ARHGEF10L: variants seen among roughly 807,000 people sequenced by gnomAD.
The protein encoded by ARHGEF10L is rho guanine nucleotide exchange factor 10-like protein.
ARHGEF10L carries 69 observed loss-of-function variants against 141.2 expected under a neutral mutation model. The observed-to-expected ratio is 0.49, with a 90% CI of 0.40 to 0.60. ARHGEF10L has a LOEUF of 0.60. Ranked by LOEUF, ARHGEF10L falls within the 20% of genes least tolerant of loss-of-function variation. ARHGEF10L has a pLI of 0.00. For synonymous variants in ARHGEF10L, 711 were observed against 718.5 expected, an observed-to-expected ratio of 0.99 and a Z score of 0.17; for missense variants, 1,482 against 1,734.3, an observed-to-expected ratio of 0.85 and a Z score of 2.58.
At chr1:17,689,133 G>C (rs1220897442) in intron 27 of ARHGEF10L, among the ~76,000 whole-genome samples, 1 of 152,078 alleles carries the variant, frequency 6.6e-6, no homozygotes, top group Non-Finnish European at 1.5e-5. Flanking sequence ...ACCAGAGGCA[G>C]GACCACAGTC....
At chr1:17,612,060 C>CCCTCCCTCCCTTTTACCCTTCACCCAT (rs2059578256) in intron 7 of ARHGEF10L, among the ~76,000 whole-genome samples, 1 of 151,780 alleles carries the variant, frequency 6.6e-6, no homozygotes, top group African/African-American at 2.4e-5. Context: ...TTGCCCATCC[C>CCCTCCCTCCCTTTTACCCTTCACCCAT]CCTCCCTCCC....
chr1:17,678,189 C>T (rs1383264857), intron 26 of ARHGEF10L, among the ~76,000 whole-genome samples: 1 of 152,160 alleles, frequency 6.6e-6, no homozygotes, highest in Non-Finnish European at 1.5e-5. Context: ...GGGTAAGACT[C>T]GCAGCAAAGG....
intron 27 of ARHGEF10L, among the ~76,000 whole-genome samples, chr1:17,693,331 GC>G: frequency 6.6e-6 from 1 of 152,306 alleles, no homozygotes; most frequent in African/African-American, 2.4e-5. Flanking sequence ...TCCCAGCTGT[GC>G]CCCCAGCACC....
chr1:17,576,598 C>A (rs1308524493), intron 1 of ARHGEF10L, among the ~76,000 whole-genome samples: 1 of 152,302 alleles, frequency 6.6e-6, no homozygotes, highest in African/African-American at 2.4e-5. Flanking sequence ...TCTCCTATAA[C>A]CCCACCACCC....
intron 1 of ARHGEF10L, among the ~76,000 whole-genome samples, chr1:17,566,217 G>A: frequency 6.6e-6 from 1 of 152,068 alleles, no homozygotes; most frequent in East Asian, 1.9e-4. Flanking sequence ...TTTGTGTTGG[G>A]GCTGTCCTGT....
chr1:17,658,131 T>TAG (rs1291564500), intron 25 of ARHGEF10L, among the ~76,000 whole-genome samples: 1 of 152,232 alleles, frequency 6.6e-6, no homozygotes, highest in Non-Finnish European at 1.5e-5. Context: ...GTGTTTTCCC[T>TAG]GGCTGTGTGT....
At chr1:17,542,360 G>T (rs1174410581) in intron 1 of ARHGEF10L, among the ~76,000 whole-genome samples, 1 of 152,146 alleles carries the variant, frequency 6.6e-6, no homozygotes, top group African/African-American at 2.4e-5. Flanking sequence ...GAGATGGGAG[G>T]ATCACTTGAG....
intron 25 of ARHGEF10L, among the ~76,000 whole-genome samples, chr1:17,658,679 G>A (rs1044385451): frequency 6.6e-6 from 1 of 152,102 alleles, no homozygotes; most frequent in African/African-American, 2.4e-5. Flanking sequence ...TGGACAGGCC[G>A]CCTGCTCTCA....
At chr1:17,522,488 C>T in the ARHGEF10L span, among the ~76,000 whole-genome samples, 86,432 of 151,444 alleles carry the variant, frequency 0.57, 25,231 homozygotes, top group East Asian at 0.75. Flanking sequence ...CCCAACCCCC[C>T]GACCCCTGGC....
chr1:17,676,721 A>G (rs2063748835), intron 26 of ARHGEF10L, among the ~76,000 whole-genome samples: 1 of 151,942 alleles, frequency 6.6e-6, no homozygotes, highest in South Asian at 2.1e-4. Flanking sequence ...CCCAGGCTGC[A>G]CTTGGTCGAT....
intron 1 of ARHGEF10L, among the ~76,000 whole-genome samples, chr1:17,569,545 G>A (rs559951070): frequency 3.9e-5 from 6 of 152,300 alleles, no homozygotes; most frequent in African/African-American, 1.4e-4. Context: ...GCTCCCTCGT[G>A]GGACAGAGTG....
At chr1:17,564,276 G>A (rs548870395) in intron 1 of ARHGEF10L, among the ~76,000 whole-genome samples, 24 of 152,308 alleles carry the variant, frequency 1.6e-4, no homozygotes, top group Non-Finnish European at 2.6e-4. Flanking sequence ...AGGTGGTTCT[G>A]GACCAGAATG....
intron 28 of ARHGEF10L, among the ~76,000 whole-genome samples, chr1:17,696,079 G>A (rs761860892): frequency 4.6e-5 from 7 of 152,000 alleles, no homozygotes; most frequent in African/African-American, 7.2e-5. Context: ...TGGGCATGGC[G>A]GTGTGCGCCT....
intron 1 of ARHGEF10L, among the ~76,000 whole-genome samples, chr1:17,576,396 C>G (rs192743500): frequency 5.7e-4 from 86 of 152,128 alleles, no homozygotes; most frequent in South Asian, 3.6e-3. Context: ...GTCGCTGAGC[C>G]TAACCTGCTC....
chr1:17,683,950 G>T (rs2064352343), intron 26 of ARHGEF10L, among the ~76,000 whole-genome samples: 1 of 152,206 alleles, frequency 6.6e-6, no homozygotes, highest in Admixed American at 6.5e-5. Flanking sequence ...CTTTCTTCGG[G>T]AGTCGAGCGG....
At chr1:17,633,242 G>T (rs1370149980) in intron 16 of ARHGEF10L, among the ~76,000 whole-genome samples, 2 of 152,350 alleles carry the variant, frequency 1.3e-5, no homozygotes, top group South Asian at 2.1e-4. Flanking sequence ...GCTTGGTCCT[G>T]CAGGGGACCC....
In ARHGEF10L at chr1:17,697,857, A is replaced by T. The variant is rs2065614827; in HGVS notation, c.*477A>T. On this transcript the variant is annotated 3_prime_UTR_variant, in exon 29 of 29. Coordinates refer to ENST00000361221, the MANE Select transcript of ARHGEF10L (RefSeq NM_018125.4). This position sits in a 1 kb window ranked among gnomAD's most constrained non-coding sequence, Gnocchi z 4.8. ...GGGAGATGCTGGAATAAAAGACAAG[A>T]GTTACATCTGGACTTGGATTGAGGT... 1 of 229,868 alleles carries T rather than the reference A, an allele frequency of 4.4e-6. No individual in the cohort carries two copies. Among genetic ancestry groups the T allele is most frequent in the South Asian group, 5.1e-5 (1 of 19,448 alleles). 14.2% of individuals were successfully genotyped at this position (229,868 alleles called of 1,614,324 possible).
chr1:17,626,762 C>T (rs997847421), intron 14 of ARHGEF10L, among the ~76,000 whole-genome samples: 4 of 152,380 alleles, frequency 2.6e-5, no homozygotes, highest in Admixed American at 6.5e-5. Flanking sequence ...CAACAACTCC[C>T]GATTCTCCCT....
chr1:17,591,702 G>A (rs534613515), intron 4 of ARHGEF10L, among the ~76,000 whole-genome samples: 7 of 151,666 alleles, frequency 4.6e-5, no homozygotes, highest in South Asian at 2.1e-4. Flanking sequence ...GTGAGCCACC[G>A]CGCCTGGCCT....
Sources: allele counts gnomAD v4.1 joint callset (sites outside exome capture counted in the v4.1 genomes callset), GRCh38; gene constraint gnomAD v4.1.1; non-coding constraint Gnocchi (gnomAD v3.1); transcripts MANE v1.5; gene names NCBI Gene and HGNC (gene_info 2026-07-23, HGNC 2026-07-21).